Variants in CATSPERT observed in about 807,000 individuals in gnomAD.
CATSPERT encodes catsper channel auxiliary subunit tau, also known as cation channel sperm-associated targeting subunit tau.
chr2:201,587,913 A>G, the CATSPERT span, among the ~76,000 whole-genome samples: 1 of 152,220 alleles, frequency 6.6e-6, no homozygotes, highest in South Asian at 2.1e-4. Context: ...GGATAAATTC[A>G]TGGTCACATA....
the CATSPERT span, among the ~76,000 whole-genome samples, chr2:201,548,389 A>G: frequency 3.9e-5 from 6 of 152,132 alleles, no homozygotes; most frequent in Non-Finnish European, 7.4e-5. Flanking sequence ...CCATCATTGT[A>G]ACAGTCCTAC....
the CATSPERT span, among the ~76,000 whole-genome samples, chr2:201,508,815 C>CTTT: frequency 2.7e-5 from 4 of 147,348 alleles, no homozygotes; most frequent in Non-Finnish European, 1.5e-5. Context: ...GACGAGATTT[C>CTTT]TTTTTTTTTT....
chr2:201,594,374 G>C, the CATSPERT span, among the ~76,000 whole-genome samples: 1 of 152,160 alleles, frequency 6.6e-6, no homozygotes, highest in South Asian at 2.1e-4. Flanking sequence ...GCTTCCCTTT[G>C]AGGGTAACCC....
chr2:201,565,983 G>T, the CATSPERT span: 1 of 915,712 alleles, frequency 1.1e-6, no homozygotes, highest in Non-Finnish European at 1.5e-6. Flanking sequence ...AGCTCACCTA[G>T]CCACCTTGGG....
the CATSPERT span, among the ~76,000 whole-genome samples, chr2:201,500,452 T>G: frequency 3.9e-5 from 6 of 152,114 alleles, no homozygotes; most frequent in Admixed American, 1.3e-4. Flanking sequence ...AGGTGGAGGT[T>G]GCAGTGAGCC....
At chr2:201,603,382 TG>T in the CATSPERT span, 1 of 902,374 alleles carries the variant, frequency 1.1e-6, no homozygotes, top group Non-Finnish European at 1.6e-6. Context: ...TCCACGTTGT[TG>T]GTTTTTCTCA....
chr2:201,582,906 T>C, the CATSPERT span, among the ~76,000 whole-genome samples: 1 of 152,182 alleles, frequency 6.6e-6, no homozygotes, highest in Non-Finnish European at 1.5e-5. Flanking sequence ...GTTATGCTAG[T>C]GACTGTCTTC....
chr2:201,487,641 G>T, the CATSPERT span: 2 of 1,604,854 alleles, frequency 1.2e-6, no homozygotes, highest in South Asian at 1.1e-5. Context: ...TTTTTTGGCC[G>T]CATTTTATGC....
the CATSPERT span, chr2:201,491,298 G>C: frequency 1.6e-5 from 25 of 1,537,642 alleles, no homozygotes; most frequent in Non-Finnish European, 2.0e-5. Flanking sequence ...TTGGTTGGGC[G>C]ACACGGTCTC....
At chr2:201,615,592 C>A in the CATSPERT span, among the ~76,000 whole-genome samples, 10 of 152,104 alleles carry the variant, frequency 6.6e-5, no homozygotes, top group Non-Finnish European at 1.5e-4. Context: ...TAAATGCCCA[C>A]AAGAGAAAGC....
chr2:201,589,201 A>C, the CATSPERT span, among the ~76,000 whole-genome samples: 5 of 152,206 alleles, frequency 3.3e-5, no homozygotes, highest in African/African-American at 1.2e-4. Flanking sequence ...TATAGATTCA[A>C]TGCTATTCTT....
At chr2:201,493,910 C>T in the CATSPERT span, 1 of 1,537,142 alleles carries the variant, frequency 6.5e-7, no homozygotes, top group South Asian at 1.2e-5. Flanking sequence ...GGAGATTGTC[C>T]TGGTCCACTT....
the CATSPERT span, chr2:201,545,629 C>CAAAAAAAA: frequency 1.5e-3 from 242 of 156,472 alleles, 4 homozygotes; most frequent in Admixed American, 2.3e-3. Context: ...TTCCTAGAAG[C>CAAAAAAAA]AAAAAAAAAA....
chr2:201,618,791 G>C, the CATSPERT span: 62 of 864,352 alleles, frequency 7.2e-5, no homozygotes, highest in African/African-American at 8.9e-4. Context: ...TGTGCCAATT[G>C]AAGGGAGATG....
At chr2:201,583,355 A>G in the CATSPERT span, among the ~76,000 whole-genome samples, 1 of 152,188 alleles carries the variant, frequency 6.6e-6, no homozygotes, top group Non-Finnish European at 1.5e-5. Context: ...CATCACATCT[A>G]CAGAAGGCTG....
At chr2:201,610,212 C>T in the CATSPERT span, among the ~76,000 whole-genome samples, 424 of 152,118 alleles carry the variant, frequency 2.8e-3, 16 homozygotes, top group East Asian at 0.074. Context: ...CCCAGCACTT[C>T]GGGAGGCTGA....
the CATSPERT span, among the ~76,000 whole-genome samples, chr2:201,568,669 A>G: frequency 7.9e-5 from 12 of 152,186 alleles, no homozygotes; most frequent in African/African-American, 2.7e-4. Context: ...TGTGGTAGGA[A>G]TCGCCATTCC....
At chr2:201,500,692 A>G in the CATSPERT span, among the ~76,000 whole-genome samples, 2 of 152,118 alleles carry the variant, frequency 1.3e-5, no homozygotes, top group African/African-American at 2.4e-5. Flanking sequence ...ATGGCTGTCC[A>G]TAAAGAAAAG....
the CATSPERT span, among the ~76,000 whole-genome samples, chr2:201,604,136 T>C: frequency 4.8e-5 from 6 of 125,556 alleles, no homozygotes; most frequent in African/African-American, 8.3e-5. Flanking sequence ...CTGTGTGGTG[T>C]GTGTGTGTAT....
Sources: allele counts gnomAD v4.1 joint callset (sites outside exome capture counted in the v4.1 genomes callset), GRCh38; gene constraint gnomAD v4.1.1; transcripts MANE v1.5; gene names NCBI Gene and HGNC (gene_info 2026-07-23, HGNC 2026-07-21).